The following NDUFS7 variants were observed in gnomAD, a reference collection of about 807,000 sequenced individuals.
NDUFS7 encodes NADH dehydrogenase [ubiquinone] iron-sulfur protein 7, mitochondrial.
Under a neutral mutation model 31.1 loss-of-function variants are expected in NDUFS7, and 11 were observed. The observed-to-expected ratio is 0.35, with a 90% CI of 0.22 to 0.59. NDUFS7 has a LOEUF of 0.59. NDUFS7 is among the 20% of genes least tolerant of loss of function. The pLI is 0.79. For missense variants in NDUFS7, 263 were observed against 324.2 expected (o/e 0.81, Z 1.45); for synonymous variants, 136 against 127.9 (o/e 1.06, Z -0.43).
intron 7 of NDUFS7, chr19:1,394,066 A>G (rs1481400726): frequency 3.3e-6 from 1 of 302,326 alleles, no homozygotes; most frequent in African/African-American, 2.2e-5. Context: ...GTTCTTGGCC[A>G]CCCTGTGCTG....
In NDUFS7 at chr19:1,395,429, C is replaced by T; in HGVS notation, c.583C>T (p.Leu195=). The T allele has an allele frequency of 6.2e-7, 1 of 1,602,346 alleles. No homozygotes were observed. The highest frequency in any genetic ancestry group is 1.1e-5 in the South Asian group (1 of 88,830). ...GGCCGAGGCCCTGCTCTACGGCATCCTGCAGCTGCAGAGGAAGATCAAGCG... is the reference window on the plus strand; with the variant it reads ...GGCCGAGGCCCTGCTCTACGGCATCTTGCAGCTGCAGAGGAAGATCAAGCG... ...PTAEALLYGI[L]QLQRKIKRER... Residue 195 remains leucine, a synonymous_variant, in exon 8 of 8, where the codon CTG becomes TTG. Transcript: ENST00000233627.
chr19:1,387,146 T>TAACAA, intron 1 of NDUFS7: 1 of 152,050 alleles, frequency 6.6e-6, no homozygotes, highest in South Asian at 2.1e-4. Flanking sequence ...CCTCCCCGCT[T>TAACAA]AGCGGACTGC....
chr19:1,386,508 A>AT (rs1474952693), intron 1 of NDUFS7: 1 of 146,408 alleles, frequency 6.8e-6, no homozygotes, highest in Non-Finnish European at 1.5e-5. Context: ...CCTTTATTTT[A>AT]TTTTTTGAGA....
rs113090051 is a variant in NDUFS7 at position 1,386,687 on chromosome 19, G to A, written c.17-1124G>A. 0.054 allele frequency: 8,225 copies of A among 152,226 alleles called. 740 individuals carry two copies. The highest frequency in any genetic ancestry group is 0.19 in the African/African-American group (7,723 of 41,496). 9.4% of individuals were successfully genotyped at this position (152,226 alleles called of 1,614,324 possible). A position where few individuals can be genotyped will look rare whatever the true frequency, so the allele number is the denominator to read the frequency against. On this transcript the variant is annotated intron_variant, in intron 1 of 7. Coordinates refer to ENST00000233627, the MANE Select transcript of NDUFS7 (RefSeq NM_024407.5). ...AATTTTTGTATTTTTAGTAGAGACGGGGTTTCACCATGTTGCCCAGGCTGG... is the reference window on the plus strand; with the variant it reads ...AATTTTTGTATTTTTAGTAGAGACGAGGTTTCACCATGTTGCCCAGGCTGG...
intron 7 of NDUFS7, chr19:1,394,563 C>A: frequency 8.0e-7 from 1 of 1,256,044 alleles, no homozygotes; most frequent in Non-Finnish European, 1.0e-6. Flanking sequence ...GGGGACCGCG[C>A]TCCTCCCTCC....
chr19:1,388,206 C>G (rs1426121192), intron 2 of NDUFS7: 1 of 587,280 alleles, frequency 1.7e-6, no homozygotes, highest in African/African-American at 1.9e-5. Context: ...GGCGCATGCC[C>G]AGGGATCTTA....
chr19:1,388,768 C>A (rs751556495), intron 3 of NDUFS7, 65 bp from the exon 4 acceptor site: 3 of 1,513,524 alleles, frequency 2.0e-6, no homozygotes, highest in Non-Finnish European at 1.8e-6. Flanking sequence ...CGTGGGGGCT[C>A]GCATCCGCCT....
intron 7 of NDUFS7, 74 bp from the exon 8 acceptor site, chr19:1,395,317 G>A (rs1002052353): frequency 1.2e-5 from 18 of 1,531,148 alleles, no homozygotes; most frequent in South Asian, 4.8e-5. Context: ...TTCCAAAGCC[G>A]AGCCGGCTGC....
intron 6 of NDUFS7, among the ~76,000 whole-genome samples, 194 bp downstream of exon 6, chr19:1,391,359 C>G (rs188554280): frequency 6.6e-6 from 1 of 152,320 alleles, no homozygotes; most frequent in Admixed American, 6.5e-5. Flanking sequence ...AACGATTCCT[C>G]CCATCCACCC....
intron 4 of NDUFS7, chr19:1,390,582 G>A (rs1051813147): frequency 6.7e-5 from 37 of 554,084 alleles, no homozygotes; most frequent in Admixed American, 4.7e-4. Context: ...AGTGGCTGGA[G>A]CCCCCTGTTG....
At chr19:1,384,964 G>A (rs1201227867) in intron 1 of NDUFS7, among the ~76,000 whole-genome samples, 6 of 152,196 alleles carry the variant, frequency 3.9e-5, no homozygotes, top group South Asian at 2.1e-4. Flanking sequence ...ACAGGTGTGC[G>A]CCACCATGCC....
chr19:1,395,231 G>A (rs1012225021), intron 7 of NDUFS7, 160 bp from the exon 8 acceptor site: 9 of 1,437,808 alleles, frequency 6.3e-6, no homozygotes, highest in Non-Finnish European at 8.2e-6. Flanking sequence ...CCTCCCCTGC[G>A]CCGGCTCCCA....
chr19:1,393,350 G>T lies in NDUFS7; in HGVS notation c.544+20G>T. ...TCCCAGGTAGGGCCGGGACCGCACC[G>T]CCCACGAGGGAGCTGGAGACAGGGC... On this transcript the variant is annotated intron_variant, in intron 7 of 7. Coordinates refer to ENST00000233627, the MANE Select transcript of NDUFS7 (RefSeq NM_024407.5). This position sits in a 1 kb window ranked among gnomAD's most constrained non-coding sequence, Gnocchi z 7.3. 6.5e-7 allele frequency: 1 copy of T among 1,549,600 alleles called. No individual in the cohort carries two copies. The highest frequency in any genetic ancestry group is 8.7e-7 in the Non-Finnish European group (1 of 1,146,700).
intron 1 of NDUFS7, among the ~76,000 whole-genome samples, chr19:1,386,214 G>T (rs2082506505): frequency 1.3e-5 from 2 of 152,332 alleles, no homozygotes; most frequent in Non-Finnish European, 2.9e-5. Flanking sequence ...GCTGCCCACA[G>T]CCTCTCCATC....
intron 7 of NDUFS7, chr19:1,394,572 C>T: frequency 8.0e-7 from 1 of 1,250,768 alleles, no homozygotes; most frequent in Non-Finnish European, 1.0e-6. Flanking sequence ...GCTCCTCCCT[C>T]CCTGCGGACC....
intron 6 of NDUFS7, chr19:1,392,890 C>T (rs2082566864): frequency 5.4e-6 from 2 of 369,312 alleles, no homozygotes; most frequent in Non-Finnish European, 1.0e-5. Context: ...GGGTGAGGCT[C>T]AGCCGCCCCA....
chr19:1,390,846 T>G (rs772146515), intron 4 of NDUFS7, 25 bp from the exon 5 acceptor site: 2 of 1,602,568 alleles, frequency 1.2e-6, no homozygotes, highest in Admixed American at 1.7e-5. Flanking sequence ...GGGGGTGGCG[T>G]CTGACCCGAG....
intron 2 of NDUFS7, 86 bp downstream of exon 2, chr19:1,387,933 G>GGGGT: frequency 2.6e-6 from 1 of 385,718 alleles, no homozygotes; most frequent in Non-Finnish European, 5.1e-6. Flanking sequence ...GGGGTGGGGG[G>GGGGT]AGCGCCTTGT....
chr19:1,384,564 A>G (rs2082495389), intron 1 of NDUFS7, among the ~76,000 whole-genome samples: 7 of 152,246 alleles, frequency 4.6e-5, no homozygotes, highest in Admixed American at 3.9e-4. Flanking sequence ...ACGGAGAGGC[A>G]GTTATTAAAA....
Sources: allele counts gnomAD v4.1 joint callset (sites outside exome capture counted in the v4.1 genomes callset), GRCh38; gene constraint gnomAD v4.1.1; non-coding constraint Gnocchi (gnomAD v3.1); transcripts MANE v1.5; gene names NCBI Gene and HGNC (gene_info 2026-07-23, HGNC 2026-07-21).